Variants in BRD1 observed in about 807,000 individuals in gnomAD.
BRD1 encodes bromodomain containing 1, also known as bromodomain-containing protein 1.
A neutral mutation model predicts 107.7 loss-of-function variants in BRD1; 24 were observed. That is an observed-to-expected ratio of 0.22 (90% CI 0.16 to 0.31). The LOEUF (loss-of-function observed/expected upper bound fraction) is 0.31, where lower values mean the gene tolerates loss of function less well. BRD1 is among the 10% of genes least tolerant of loss of function. The pLI, the probability that BRD1 is intolerant of heterozygous loss-of-function variation, is 1.00. For synonymous variants in BRD1, 744 were observed against 686.1 expected, an observed-to-expected ratio of 1.08 and a Z score of -1.32; for missense variants, 1,279 against 1,638.6, an observed-to-expected ratio of 0.78 and a Z score of 3.79.
chr22:49,817,969 C>T (rs116874896), intron 2 of BRD1, among the ~76,000 whole-genome samples: 2,714 of 152,304 alleles, frequency 0.018, 36 homozygotes, highest in Non-Finnish European at 0.029. Context: ...CCACCGCACC[C>T]AGTCAACTTT....
In BRD1 at chr22:49,787,660, G is replaced by A. The variant is rs1459476818; in HGVS notation, c.2587C>T (p.Pro863Ser). 3 of 1,550,498 alleles carry A rather than the reference G, an allele frequency of 1.9e-6. No homozygotes were observed. The highest frequency in any genetic ancestry group is 4.9e-5 in the East Asian group (2 of 40,920). Residue 863 changes from proline to serine, a missense_variant, in exon 8 of 13, where the codon CCG (proline) becomes TCG (serine). Physicochemically the swap from Pro to Ser is moderately conservative, Grantham distance 74 (BLOSUM62 -1). This residue lies in a region of BRD1 where 406 missense variants were observed against 519.4 expected (regional missense o/e 0.78). Transcript: ENST00000404760. ...EPTRASSGDVPAAAASAVAEP... is the reference protein window; with the variant it reads ...EPTRASSGDVSAAAASAVAEP... ...GCCACCGCGGAGGCCGCCGCCGCCG[G>A]CACATCGCCACTACTGGCGCGGGTG... is the stretch of plus-strand genomic sequence containing the variant.
intron 2 of BRD1, among the ~76,000 whole-genome samples, chr22:49,813,938 A>C (rs112249391): frequency 2.6e-5 from 4 of 152,134 alleles, no homozygotes; most frequent in African/African-American, 9.7e-5. Flanking sequence ...CACATGCCAC[A>C]TGGGGAAAGG....
intron 2 of BRD1, among the ~76,000 whole-genome samples, chr22:49,809,955 G>C (rs934691033): frequency 5.9e-5 from 9 of 152,050 alleles, no homozygotes; most frequent in African/African-American, 2.2e-4. Context: ...ATCAAAGAAA[G>C]AAAGAACACA....
intron 5 of BRD1, 29 bp from the exon 6 acceptor site, chr22:49,798,146 T>C (rs1394930136): frequency 6.4e-7 from 1 of 1,567,066 alleles, no homozygotes; most frequent in Non-Finnish European, 8.7e-7. Flanking sequence ...AAGAATCATT[T>C]ACAAACTAAA....
In BRD1 at chr22:49,823,813, C is replaced by T; in HGVS notation, c.505G>A (p.Val169Ile). 1 of 1,614,140 alleles carries T rather than the reference C, an allele frequency of 6.2e-7. No individual in the cohort carries two copies. The highest frequency in any genetic ancestry group is 8.5e-7 in the Non-Finnish European group (1 of 1,180,036). The change falls in exon 2 of 13, where the codon GTC becomes ATC. Residue 169 changes from valine to isoleucine, a missense_variant. Physicochemically the swap from Val to Ile is conservative, Grantham distance 29 (BLOSUM62 3). This residue lies in a region of BRD1 where 223 missense variants were observed against 263.5 expected (regional missense o/e 0.85). Transcript: ENST00000404760. ...CAGTCGCCCTTGCGCTTCTCATTGA[C>T]GATCTCCAGCCAGGCATAGTCCTCC... Reference protein sequence around the residue: ...DEEDYAWLEIVNEKRKGDCVP... With the variant: ...DEEDYAWLEIINEKRKGDCVP...
intron 3 of BRD1, among the ~76,000 whole-genome samples, chr22:49,800,259 AC>A (rs2059616517): frequency 6.6e-6 from 1 of 151,614 alleles, no homozygotes; most frequent in Non-Finnish European, 1.5e-5. Context: ...CGAGCCCCGC[AC>A]CCCCACCCCC....
At chr22:49,776,855 C>T (rs1175261343) in intron 10 of BRD1, among the ~76,000 whole-genome samples, 179 bp downstream of exon 10, 1 of 152,268 alleles carries the variant, frequency 6.6e-6, no homozygotes, top group African/African-American at 2.4e-5. Context: ...GGCACCCCGG[C>T]AGGGCCACAG....
At chr22:49,788,497 G>A (rs979226133) in intron 7 of BRD1, among the ~76,000 whole-genome samples, 1 of 151,876 alleles carries the variant, frequency 6.6e-6, no homozygotes, top group Non-Finnish European at 1.5e-5. Context: ...GGAGCTTTCA[G>A]GAAAAAAAAA....
At chr22:49,821,340 C>G (rs1010385430) in intron 2 of BRD1, among the ~76,000 whole-genome samples, 4 of 152,202 alleles carry the variant, frequency 2.6e-5, no homozygotes, top group African/African-American at 9.7e-5. Context: ...TTTTAGACCT[C>G]TTATACAGAA....
Position 49,823,681 on chromosome 22 carries a change from C to T in BRD1, c.637G>A (p.Glu213Lys). Reference sequence around the variant, plus strand: ...ATGCAGATGCAGCACACGGCGTCCTCGTCGATCAGAGACTGCTGCTCGCCC... The same window carrying T: ...ATGCAGATGCAGCACACGGCGTCCTTGTCGATCAGAGACTGCTGCTCGCCC... ...KQGEQQSLID[E>K]DAVCCICMDG... The change falls in exon 2 of 13, where the codon GAG becomes AAG. Residue 213 changes from glutamate to lysine, a missense_variant. Around this residue, in one of 7 missense-constraint regions of BRD1, gnomAD observed 158 missense variants for 310.2 expected, o/e 0.51. Coordinates refer to ENST00000404760, the MANE Select transcript of BRD1 (RefSeq NM_001304808.3). 1.2e-6 allele frequency: 2 copies of T among 1,613,472 alleles called. No homozygotes were observed. The highest frequency in any genetic ancestry group is 1.7e-6 in the Non-Finnish European group (2 of 1,179,880).
intron 8 of BRD1, among the ~76,000 whole-genome samples, chr22:49,782,534 C>T (rs1232434394): frequency 5.3e-5 from 7 of 133,248 alleles, no homozygotes; most frequent in African/African-American, 8.6e-5. Flanking sequence ...GCAGCTGGGA[C>T]GGTCAGAGAC....
intron 3 of BRD1, among the ~76,000 whole-genome samples, chr22:49,800,443 A>G (rs773553864): frequency 6.6e-6 from 1 of 151,982 alleles, no homozygotes; most frequent in Non-Finnish European, 1.5e-5. Context: ...GGCTCCAAAA[A>G]CCAAGCTCCC....
chr22:49,783,835 A>G lies in BRD1; in HGVS notation c.2857+3555T>C, dbSNP rs999836648. 6.6e-6 allele frequency among the ~76,000 whole-genome samples: 1 copy of G among 152,250 alleles called. No homozygotes were observed. The highest frequency in any genetic ancestry group is 2.4e-5 in the African/African-American group (1 of 41,466). ...GCTGATGATTCCAATGTGATCCGCA[A>G]GAATTAAGTGAAAGGCAAGATGCAG... On this transcript the variant is annotated intron_variant, in intron 8 of 12. Transcript: ENST00000404760. This position sits in a 1 kb window ranked among gnomAD's most constrained non-coding sequence, Gnocchi z 4.2.
chr22:49,784,949 T>C (rs569175332), intron 8 of BRD1, among the ~76,000 whole-genome samples: 2 of 152,276 alleles, frequency 1.3e-5, no homozygotes, highest in South Asian at 4.1e-4. Flanking sequence ...AAATCCACTG[T>C]CACTCGGAAA....
rs1376619250 is a variant in BRD1 at position 49,774,104 on chromosome 22, C to T, written c.*129G>A. 3 of 1,290,032 alleles carry T rather than the reference C, an allele frequency of 2.3e-6. No homozygotes were observed. The highest frequency in any genetic ancestry group is 3.1e-6 in the Non-Finnish European group (3 of 964,022). The allele number at this position is 1,290,032 out of a possible 1,614,324, so 79.9% of individuals were successfully genotyped here. On this transcript the variant is annotated 3_prime_UTR_variant, in exon 13 of 13. Coordinates refer to ENST00000404760, the MANE Select transcript of BRD1 (RefSeq NM_001304808.3). ...CCTAGAAAACTTGGAAATAAAACCT[C>T]CCCCCTCCCCGGGGAAAAAGAATTA...
At position 49,798,575 on chromosome 22, in the gene BRD1, G is replaced by A. The variant is rs781422435; in HGVS notation, c.1768C>T (p.Pro590Ser). 3.1e-6 allele frequency: 5 copies of A among 1,614,200 alleles called. No individual in the cohort carries two copies. The highest frequency in any genetic ancestry group is 2.2e-5 in the East Asian group (1 of 44,892). The change falls in exon 5 of 13, where the codon CCC becomes TCC. Residue 590 changes from proline (P) to serine (S), a missense_variant. Physicochemically the swap from Pro to Ser is moderately conservative, Grantham distance 74 (BLOSUM62 -1). This residue lies in a region of BRD1 where 406 missense variants were observed against 519.4 expected (regional missense o/e 0.78). Coordinates refer to ENST00000404760, the MANE Select transcript of BRD1 (RefSeq NM_001304808.3). ...ACACCCACCTCCTTCAGACTCACGG[G>A]CTGCGCAAATATCCTGGCGGGGTCC... ...DKDPARIFAQ[P>S]VSLKEVPDYL... is the part of the protein sequence containing the mutation.
intron 2 of BRD1, chr22:49,817,641 G>A (rs2059978831): frequency 4.4e-6 from 1 of 226,326 alleles, no homozygotes; most frequent in Non-Finnish European, 9.9e-6. Flanking sequence ...CACTAACAAA[G>A]GGACCGGTAC....
chr22:49,778,203 C>T (rs1776582740), intron 8 of BRD1, among the ~76,000 whole-genome samples: 1 of 152,130 alleles, frequency 6.6e-6, no homozygotes, highest in Admixed American at 6.5e-5. Flanking sequence ...GGGCACCGGC[C>T]GCGTTTGAAC....
rs956849679 is a variant in BRD1 at position 49,776,236 on chromosome 22, G to A, written c.3122-77C>T. 12 of 1,321,508 alleles carry A rather than the reference G, an allele frequency of 9.1e-6. No individual in the cohort carries two copies. In the African/African-American group the frequency reaches 1.3e-4, roughly 14 times the overall value. The allele number at this position is 1,321,508 out of a possible 1,614,324, so 81.9% of individuals were successfully genotyped here. A position where few individuals can be genotyped will look rare whatever the true frequency, so the allele number is the denominator to read the frequency against. Reference sequence around the variant, plus strand: ...GCCCCGCCCCCCCACAAAAGGTGCAGCAACAGGGTGGGTCCCCCGAGCACA... The same window carrying A: ...GCCCCGCCCCCCCACAAAAGGTGCAACAACAGGGTGGGTCCCCCGAGCACA... On this transcript the variant is annotated intron_variant, in intron 10 of 12. Transcript: ENST00000404760.
Sources: gnomAD v4.1 joint callset for allele counts (sites outside exome capture counted in the v4.1 genomes callset) on GRCh38, gnomAD v4.1.1 for gene constraint, gnomAD v4.1.1 regional missense constraint, Gnocchi (gnomAD v3.1) non-coding constraint, MANE v1.5 for transcripts, NCBI Gene and HGNC (gene_info 2026-07-23, HGNC 2026-07-21) for gene names.